The following VWA8 variants were observed in gnomAD, a reference collection of about 807,000 sequenced individuals.
The protein encoded by VWA8 is von Willebrand factor A domain-containing protein 8.
Under a neutral mutation model 241.5 loss-of-function variants are expected in VWA8, and 221 were observed. That is an observed-to-expected ratio of 0.91 (90% CI 0.82 to 1.02). The LOEUF is 1.02. VWA8 is among the 50% of genes least tolerant of loss of function. The pLI is 0.00. For missense variants in VWA8, 2,322 were observed against 2,328.7 expected, an observed-to-expected ratio of 1.00 and a Z score of 0.06; for synonymous variants, 852 against 827.1, an observed-to-expected ratio of 1.03 and a Z score of -0.52.
intron 18 of VWA8, among the ~76,000 whole-genome samples, chr13:41,786,182 G>A (rs572726264): frequency 1.3e-5 from 2 of 152,164 alleles, no homozygotes; most frequent in South Asian, 2.1e-4. Context: ...CTAACTTTCA[G>A]GAGAATATTA....
chr13:41,670,839 A>C (rs2045017227), intron 37 of VWA8, 107 bp downstream of exon 37: 1 of 1,243,784 alleles, frequency 8.0e-7, no homozygotes, highest in Non-Finnish European at 1.1e-6. Context: ...TTCTTTAAGC[A>C]ACTATTTTTG....
chr13:41,781,431 C>T (rs1039195090), intron 19 of VWA8, among the ~76,000 whole-genome samples: 2 of 152,082 alleles, frequency 1.3e-5, no homozygotes, highest in Non-Finnish European at 2.9e-5. Context: ...GTCAATCGAC[C>T]TCATCAATGC....
At chr13:41,887,053 C>A (rs7328609) in intron 6 of VWA8, 144 bp downstream of exon 6, 932,313 of 1,088,076 alleles carry the variant, frequency 0.86, 401,778 homozygotes, top group East Asian at 1. Context: ...GTTTCCAGAG[C>A]TTTTCTTTAC....
intron 17 of VWA8, among the ~76,000 whole-genome samples, chr13:41,789,781 A>C (rs903618784): frequency 2.8e-4 from 43 of 152,306 alleles, no homozygotes; most frequent in African/African-American, 1.0e-3. Context: ...GATACTAGGC[A>C]GTCTTTGACT....
intron 21 of VWA8, among the ~76,000 whole-genome samples, chr13:41,744,995 G>A (rs954589469): frequency 2.6e-5 from 4 of 151,892 alleles, no homozygotes; most frequent in South Asian, 2.1e-4. Flanking sequence ...CCACCACCAC[G>A]ACCGGCTAAT....
intron 2 of VWA8, among the ~76,000 whole-genome samples, chr13:41,949,010 A>G (rs1373611835): frequency 6.7e-6 from 1 of 150,276 alleles, no homozygotes; most frequent in Non-Finnish European, 1.5e-5. Flanking sequence ...CTAAAGAACA[A>G]GCAAAACTAA....
chr13:41,704,697 G>A (rs2045271846), intron 26 of VWA8, among the ~76,000 whole-genome samples: 1 of 151,930 alleles, frequency 6.6e-6, no homozygotes, highest in Non-Finnish European at 1.5e-5. Context: ...TCAAACTCCT[G>A]GACTGAAGTG....
chr13:41,638,654 C>T (rs2044774940), intron 37 of VWA8, among the ~76,000 whole-genome samples: 1 of 152,072 alleles, frequency 6.6e-6, no homozygotes, highest in Non-Finnish European at 1.5e-5. Context: ...TCAGCAGGAA[C>T]AATTTTGCAG....
At chr13:41,654,041 A>T (rs1468532246) in intron 37 of VWA8, among the ~76,000 whole-genome samples, 1 of 152,176 alleles carries the variant, frequency 6.6e-6, no homozygotes, top group African/African-American at 2.4e-5. Context: ...TGCAACAAAA[A>T]CAAAAATTGA....
intron 2 of VWA8, chr13:41,927,050 A>G (rs1236390310): frequency 5.2e-6 from 2 of 382,860 alleles, no homozygotes; most frequent in African/African-American, 4.2e-5. Flanking sequence ...GCTGCTTGTC[A>G]TGAAGAAAGA....
chr13:41,811,830 C>T (rs1257294318), intron 16 of VWA8, among the ~76,000 whole-genome samples: 2 of 152,174 alleles, frequency 1.3e-5, no homozygotes, highest in African/African-American at 4.8e-5. Context: ...CTGCAGCTTG[C>T]TGTTTTGAAT....
chr13:41,719,397 C>A, intron 26 of VWA8, 194 bp downstream of exon 26: 3 of 1,407,378 alleles, frequency 2.1e-6, no homozygotes, highest in Non-Finnish European at 2.8e-6. Flanking sequence ...ACATAATAAT[C>A]AAAATTTTCA....
chr13:41,568,235 G>A lies in VWA8; in HGVS notation c.5680C>T (p.Gln1894Ter). The A allele has an allele frequency of 2.5e-6, 4 of 1,614,106 alleles. No individual in the cohort carries two copies. Among genetic ancestry groups the A allele is most frequent in the Non-Finnish European group, 3.4e-6 (4 of 1,180,008 alleles). Residue 1894 changes from glutamine to a stop codon, truncating the protein, a stop_gained, in exon 45 of 45, where the codon CAA becomes TAA. Coordinates refer to ENST00000379310, the MANE Select transcript of VWA8 (RefSeq NM_015058.2). LOFTEE classifies it high-confidence loss of function. ...MDTKDIPQIL[Q>*]QIFTSTMLSS... Reference sequence around the variant, plus strand: ...AACATGGTGGAGGTGAAGATCTGTTGTAAAATCTGAGGGATATCCTTGGTA... The same window carrying A: ...AACATGGTGGAGGTGAAGATCTGTTATAAAATCTGAGGGATATCCTTGGTA...
In VWA8 at chr13:41,783,814, A is replaced by G. The variant is rs747594865; in HGVS notation, c.2258T>C (p.Leu753Pro). 1.3e-5 allele frequency: 21 copies of G among 1,613,188 alleles called. No individual in the cohort carries two copies. The highest frequency in any genetic ancestry group is 1.7e-5 in the Non-Finnish European group (20 of 1,179,588). Residue 753 changes from leucine to proline, a missense_variant, in exon 19 of 45, where the codon CTT becomes CCT. Transcript: ENST00000379310. ...TCTTACCTGAATGTTGTCATAGAAA[A>G]GAACATCAGGCACTTTCATTTTCTC... ...AHEKMKVPDV[L>P]FYDNIQHVIV...
In VWA8 at chr13:41,610,538, C is replaced by T. The variant is rs997054369; in HGVS notation, c.4877+1038G>A. Among the ~76,000 whole-genome samples, 8 of 151,126 alleles carry T rather than the reference C, an allele frequency of 5.3e-5. No individual in the cohort carries two copies. In the East Asian group the frequency reaches 5.9e-4, roughly 11 times the overall value. On this transcript the variant is annotated intron_variant, in intron 39 of 44. Coordinates refer to ENST00000379310, the MANE Select transcript of VWA8 (RefSeq NM_015058.2). ...CTGGCAGGCTTTCCTGAGGGTGTGG[C>T]GGCAGGGCCTGCATTCTTGTCTCTA...
intron 39 of VWA8, among the ~76,000 whole-genome samples, chr13:41,607,404 C>A (rs1297294820): frequency 3.3e-5 from 5 of 152,214 alleles, no homozygotes; most frequent in Non-Finnish European, 7.3e-5. Context: ...GACCTCCTGA[C>A]AATACCTCTT....
At chr13:41,674,267 G>A (rs1412716859) in intron 36 of VWA8, among the ~76,000 whole-genome samples, 3 of 152,066 alleles carry the variant, frequency 2.0e-5, no homozygotes, top group African/African-American at 7.2e-5. Context: ...TGGAGAAGGG[G>A]GAAGAAAGGA....
intron 37 of VWA8, among the ~76,000 whole-genome samples, chr13:41,617,483 ACT>A (rs2044628555): frequency 6.6e-6 from 1 of 152,002 alleles, no homozygotes; most frequent in African/African-American, 2.4e-5. Flanking sequence ...ATTTATTTTT[ACT>A]TTTTATTTTA....
At chr13:41,828,865 C>T (rs1312219720) in intron 14 of VWA8, among the ~76,000 whole-genome samples, 2 of 151,348 alleles carry the variant, frequency 1.3e-5, no homozygotes, top group African/African-American at 2.4e-5. Flanking sequence ...TTTTTATAGC[C>T]GTTTTTATTT....
Sources: allele counts gnomAD v4.1 joint callset (sites outside exome capture counted in the v4.1 genomes callset), GRCh38; gene constraint gnomAD v4.1.1; transcripts MANE v1.5; gene names NCBI Gene and HGNC (gene_info 2026-07-23, HGNC 2026-07-21).